KLKB1: variants seen among roughly 807,000 people sequenced by gnomAD.
The protein encoded by KLKB1 is plasma kallikrein.
A neutral mutation model predicts 73.6 loss-of-function variants in KLKB1; 58 were observed. That is an observed-to-expected ratio of 0.79 (90% CI 0.64 to 0.98). The LOEUF (loss-of-function observed/expected upper bound fraction) is 0.98, where lower values mean the gene tolerates loss of function less well. Ranked by LOEUF, KLKB1 falls within the 50% of genes least tolerant of loss-of-function variation. KLKB1 has a pLI of 0.00. For missense variants in KLKB1, 737 were observed against 763.8 expected (o/e 0.96, Z 0.41); for synonymous variants, 280 against 258.1 (o/e 1.08, Z -0.81).
chr4:186,235,853 C>T (rs953290390), intron 4 of KLKB1, among the ~76,000 whole-genome samples: 3 of 151,714 alleles, frequency 2.0e-5, no homozygotes, highest in South Asian at 4.1e-4. Context: ...CGGTGGCTCA[C>T]GCCTGTAATC....
At chr4:186,236,007 G>C (rs1187190077) in intron 4 of KLKB1, among the ~76,000 whole-genome samples, 3 of 151,370 alleles carry the variant, frequency 2.0e-5, no homozygotes, top group South Asian at 2.1e-4. Flanking sequence ...CCAGCTACTC[G>C]GGAGGCTGAG....
intron 2 of KLKB1, among the ~76,000 whole-genome samples, chr4:186,231,926 C>G (rs1279346123): frequency 6.6e-6 from 1 of 152,108 alleles, no homozygotes; most frequent in Non-Finnish European, 1.5e-5. Context: ...ATGTTTTATA[C>G]AGAAGTACCC....
intron 3 of KLKB1, among the ~76,000 whole-genome samples, chr4:186,233,553 A>G (rs2126632638): frequency 6.6e-6 from 1 of 152,382 alleles, no homozygotes; most frequent in East Asian, 1.9e-4. Flanking sequence ...CATTAAGTGC[A>G]GACTACAAGG....
At chr4:186,241,040 G>A (rs944168720) in intron 6 of KLKB1, among the ~76,000 whole-genome samples, 5 of 152,106 alleles carry the variant, frequency 3.3e-5, no homozygotes, top group Non-Finnish European at 7.3e-5. Flanking sequence ...TGATTTAATC[G>A]GATCAAATGG....
At position 186,252,720 on chromosome 4, in the gene KLKB1, G is replaced by A. The variant is rs367872965; in HGVS notation, c.1313+535G>A. ...GCCACCCACGACCAATCCCACCACC[G>A]ATCCCGCCACCAACCACCAATCCCA... On this transcript the variant is annotated intron_variant, in intron 11 of 14. Transcript: ENST00000264690. Among the ~76,000 whole-genome samples the A allele has an allele frequency of 2.5e-3, 177 of 72,176 alleles. 1 individual carries two copies. The highest frequency in any genetic ancestry group is 8.2e-3 in the African/African-American group (154 of 18,810). 47.4% of individuals were successfully genotyped at this position (72,176 alleles called of 152,430 possible).
At chr4:186,237,805 C>T (rs777138830) in intron 5 of KLKB1, among the ~76,000 whole-genome samples, 1 of 152,092 alleles carries the variant, frequency 6.6e-6, no homozygotes, top group Non-Finnish European at 1.5e-5. Flanking sequence ...TATTTTTCAA[C>T]GCCCGCCCCC....
At chr4:186,237,883 T>C (rs949134191) in intron 5 of KLKB1, among the ~76,000 whole-genome samples, 1 of 152,128 alleles carries the variant, frequency 6.6e-6, no homozygotes, top group African/African-American at 2.4e-5. Context: ...AATTTTGGTG[T>C]CATTTTTTCC....
intron 6 of KLKB1, among the ~76,000 whole-genome samples, chr4:186,248,595 A>ATTTTTTTTTTTTTTTTTTTTT (rs138717531): frequency 4.4e-5 from 5 of 114,920 alleles, no homozygotes; most frequent in Admixed American, 9.3e-5. Context: ...TTGTTTCTGG[A>ATTTTTTTTTTTTTTTTTTTTT]TTTTTTTTTT....
chr4:186,215,687 C>T (rs1299890465), intron 2 of KLKB1, among the ~76,000 whole-genome samples: 2 of 152,150 alleles, frequency 1.3e-5, no homozygotes, highest in East Asian at 3.8e-4. Context: ...GATCATCCCA[C>T]CTCAGTCTGC....
chr4:186,250,643 C>A lies in KLKB1; in HGVS notation c.758+241C>A, dbSNP rs185281404. The stretch of plus-strand genomic sequence containing the variant: ...AAATGTTACCATTGAATCAAGGAAG[C>A]AATAGCCATGAGAAAAAAGAAGGAT... On this transcript the variant is annotated intron_variant, in intron 7 of 14. Transcript: ENST00000264690. Among the ~76,000 whole-genome samples the A allele has an allele frequency of 4.0e-3, 607 of 152,276 alleles. 7 individuals are homozygous for A. Among genetic ancestry groups the A allele is most frequent in the African/African-American group, 0.014 (577 of 41,558 alleles).
chr4:186,254,918 G>A (rs927579885), intron 12 of KLKB1, among the ~76,000 whole-genome samples, 155 bp downstream of exon 12: 3 of 152,120 alleles, frequency 2.0e-5, no homozygotes, highest in Non-Finnish European at 2.9e-5. Flanking sequence ...TGAAGACCCC[G>A]CGACTTGCCG....
At chr4:186,225,160 T>A (rs1456623098), upstream of KLKB1, among the ~76,000 whole-genome samples, 1 of 152,210 alleles carries the variant, frequency 6.6e-6, no homozygotes, top group African/African-American at 2.4e-5. Flanking sequence ...GTAGTATCTT[T>A]ACAGCAGTGT....
upstream of KLKB1, among the ~76,000 whole-genome samples, chr4:186,222,849 C>G (rs1298836083): frequency 1.3e-5 from 2 of 152,012 alleles, no homozygotes; most frequent in Non-Finnish European, 2.9e-5. Context: ...TGTTGAAATC[C>G]CACAGCTTTT....
chr4:186,235,956 A>G (rs949085310), intron 4 of KLKB1, among the ~76,000 whole-genome samples: 6 of 151,984 alleles, frequency 3.9e-5, no homozygotes, highest in Non-Finnish European at 8.8e-5. Context: ...TCTACTAAAA[A>G]TACAAAAATT....
At chr4:186,212,875 A>T (rs1259675463) in intron 2 of KLKB1, 1 of 152,222 alleles carries the variant, frequency 6.6e-6, no homozygotes, top group Non-Finnish European at 1.5e-5. Flanking sequence ...CCCTAAGTTG[A>T]TGAAGAAAAA....
At chr4:186,247,744 C>T (rs531510781) in intron 6 of KLKB1, among the ~76,000 whole-genome samples, 1 of 152,242 alleles carries the variant, frequency 6.6e-6, no homozygotes, top group East Asian at 1.9e-4. Flanking sequence ...AATAATGTGT[C>T]TGTTTTACAT....
chr4:186,219,275 A>G (rs1348269850), intron 2 of KLKB1, among the ~76,000 whole-genome samples: 2 of 152,150 alleles, frequency 1.3e-5, no homozygotes, highest in African/African-American at 4.8e-5. Flanking sequence ...CCGACACTCA[A>G]TATTAACCAT....
chr4:186,236,838 C>T lies in KLKB1; in HGVS notation c.386C>T (p.Ser129Phe). The change falls in exon 5 of 15, where the codon TCT becomes TTT. Residue 129 changes from serine (S) to phenylalanine (F), a missense_variant. By Grantham distance (155) the Ser-to-Phe change is radical (BLOSUM62 -2). Coordinates refer to ENST00000264690, the MANE Select transcript of KLKB1 (RefSeq NM_000892.5). ...ATGAGAGGAGTCAATTTTAATGTGT[C>T]TAAGGTTAGCAGTGTTGAAGAATGC... ...VDMRGVNFNV[S>F]KVSSVEECQK... The T allele has an allele frequency of 1.2e-6, 2 of 1,613,896 alleles. No homozygotes were observed. The highest frequency in any genetic ancestry group is 4.5e-5 in the East Asian group (2 of 44,862).
In KLKB1 at chr4:186,245,057, C is replaced by T. The variant is rs553501803; in HGVS notation, c.599-5186C>T. Among the ~76,000 whole-genome samples, 9 of 151,980 alleles carry T rather than the reference C, an allele frequency of 5.9e-5. No homozygotes were observed. In the East Asian group the frequency reaches 7.8e-4, roughly 13 times the overall value. ...TGTGGCCTAAGAACAGTCAGGGAAG[C>T]GGATAATTGAGTTAAAATGCCTCGA... is the stretch of plus-strand genomic sequence containing the variant. On this transcript the variant is annotated intron_variant, in intron 6 of 14. Transcript: ENST00000264690.
Sources: allele counts gnomAD v4.1 joint callset (sites outside exome capture counted in the v4.1 genomes callset), GRCh38; gene constraint gnomAD v4.1.1; transcripts MANE v1.5; gene names NCBI Gene and HGNC (gene_info 2026-07-23, HGNC 2026-07-21).